PTPRD: variants seen among roughly 807,000 people sequenced by gnomAD.
PTPRD encodes receptor-type tyrosine-protein phosphatase delta.
Under a neutral mutation model 214.5 loss-of-function variants are expected in PTPRD, and 34 were observed. The ratio of observed to expected loss-of-function variants is 0.16; its 90% CI spans 0.12 to 0.21. The LOEUF is 0.21. Among genes scored for constraint, PTPRD ranks in the 10% least tolerant of loss-of-function variants. The probability of loss-of-function intolerance (pLI) is 1.00; values close to 1 mark genes in which losing one functional copy is unlikely to be tolerated. For missense variants in PTPRD, 2,545 were observed against 2,398.7 expected (o/e 1.06, Z -1.27); for synonymous variants, 1,128 against 845.7 (o/e 1.33, Z -5.79).
chr9:10,392,553 T>TA (rs1017040283), intron 2 of PTPRD, among the ~76,000 whole-genome samples: 4 of 151,782 alleles, frequency 2.6e-5, no homozygotes, highest in Admixed American at 6.6e-5. Context: ...GCAGTGAATG[T>TA]AAAAAGGAAT....
intron 37 of PTPRD, 117 bp downstream of exon 37, chr9:8,389,115 T>A: frequency 1.3e-6 from 1 of 793,902 alleles, no homozygotes. Context: ...TCATAATTAG[T>A]ATCTGTTAGA....
Position 9,590,048 on chromosome 9 carries a change from AAAAG to A in PTPRD, c.-286-15271_-286-15268del, listed in dbSNP as rs1275583054. Among the ~76,000 whole-genome samples the A allele has an allele frequency of 9.9e-5, 15 of 152,172 alleles. No individual in the cohort carries two copies. In the East Asian group the frequency reaches 2.9e-3, roughly 30 times the overall value. ...TATAAGAATGTAACTTCTTTTACTT[AAAAG>A]AAAGAGTACAAACATTTATAATAAA... On this transcript the variant is annotated intron_variant, in intron 7 of 45. Coordinates refer to ENST00000381196, the MANE Select transcript of PTPRD (RefSeq NM_002839.4).
intron 3 of PTPRD, among the ~76,000 whole-genome samples, chr9:10,097,747 T>C (rs1459625933): frequency 7.2e-5 from 11 of 151,806 alleles, no homozygotes; most frequent in African/African-American, 7.3e-5. Flanking sequence ...TCCTGCCTGA[T>C]TGCCCTGGCC....
At chr9:8,817,264 C>T (rs550050793) in intron 11 of PTPRD, among the ~76,000 whole-genome samples, 1 of 152,300 alleles carries the variant, frequency 6.6e-6, no homozygotes, top group Non-Finnish European at 1.5e-5. Flanking sequence ...TGACACTCAG[C>T]TCCAGAGCCA....
chr9:8,519,605 G>A (rs2097851491), intron 20 of PTPRD, among the ~76,000 whole-genome samples: 1 of 152,230 alleles, frequency 6.6e-6, no homozygotes, highest in East Asian at 1.9e-4. Context: ...CTGACTTACT[G>A]TAAAATTGTG....
intron 11 of PTPRD, among the ~76,000 whole-genome samples, chr9:8,801,065 A>AAAAATAAT (rs1275710668): frequency 6.6e-6 from 1 of 152,184 alleles, no homozygotes; most frequent in African/African-American, 2.4e-5. Context: ...AAGATGTGCA[A>AAAAATAAT]AAAATAATAT....
chr9:9,664,088 TAAAAAA>T (rs71319290), intron 7 of PTPRD, among the ~76,000 whole-genome samples: 1 of 114,536 alleles, frequency 8.7e-6, no homozygotes, highest in Non-Finnish European at 1.8e-5. Flanking sequence ...CACTCCTGTG[TAAAAAA>T]AAAAAAAAAA....
chr9:8,340,242 T>C (rs2132331309), intron 42 of PTPRD, 101 bp downstream of exon 42: 1 of 1,382,008 alleles, frequency 7.2e-7, no homozygotes, highest in Non-Finnish European at 9.6e-7. Context: ...TGCACTGCAT[T>C]TCAAAAAAAA....
chr9:9,294,918 G>C (rs1020684224), intron 9 of PTPRD, among the ~76,000 whole-genome samples: 3 of 151,660 alleles, frequency 2.0e-5, no homozygotes, highest in Non-Finnish European at 4.4e-5. Context: ...TTTTTATTCA[G>C]ATTTGCCAAA....
chr9:8,688,521 C>T (rs2097735142), intron 12 of PTPRD, among the ~76,000 whole-genome samples: 2 of 148,398 alleles, frequency 1.3e-5, no homozygotes, highest in African/African-American at 5.0e-5. Flanking sequence ...GCCGAGATCG[C>T]ACCACTGCGC....
At position 8,989,197 on chromosome 9, in the gene PTPRD, T is replaced by G. The variant is rs186591149; in HGVS notation, c.-104+29500A>C. On this transcript the variant is annotated intron_variant, in intron 11 of 45. Coordinates refer to ENST00000381196, the MANE Select transcript of PTPRD (RefSeq NM_002839.4). ...TAGGGATATTCATCACCTCAAACAT[T>G]TATCTTTTCTTTATGTTGGAATCAT... Among the ~76,000 whole-genome samples the G allele has an allele frequency of 2.6e-5, 4 of 152,134 alleles. No individual in the cohort carries two copies. The East Asian group carries it at 7.8e-4, about 29-fold the overall frequency.
intron 14 of PTPRD, among the ~76,000 whole-genome samples, chr9:8,614,174 T>G (rs1008383637): frequency 6.6e-6 from 1 of 152,168 alleles, no homozygotes; most frequent in Non-Finnish European, 1.5e-5. Context: ...TACACTGAGC[T>G]TTTTGACCCT....
At chr9:8,423,565 A>C (rs900944049) in intron 35 of PTPRD, among the ~76,000 whole-genome samples, 2 of 152,162 alleles carry the variant, frequency 1.3e-5, no homozygotes, top group Non-Finnish European at 2.9e-5. Flanking sequence ...TATAAATCAT[A>C]ATTTATTGTG....
chr9:8,422,363 C>T (rs573653469), intron 35 of PTPRD, among the ~76,000 whole-genome samples: 6 of 152,074 alleles, frequency 3.9e-5, no homozygotes, highest in Admixed American at 2.6e-4. Context: ...ACATCCTTAA[C>T]GTTTCAAGTT....
chr9:10,300,180 G>A (rs766509443), intron 3 of PTPRD, among the ~76,000 whole-genome samples: 11 of 152,128 alleles, frequency 7.2e-5, no homozygotes, highest in South Asian at 2.1e-4. Flanking sequence ...TAAAATTCAC[G>A]TAGTATAGTT....
intron 9 of PTPRD, among the ~76,000 whole-genome samples, chr9:9,357,618 GA>G (rs916855569): frequency 2.0e-5 from 3 of 151,020 alleles, no homozygotes; most frequent in African/African-American, 4.9e-5. Flanking sequence ...GTGAATGAGG[GA>G]AAGAAGCAAA....
At chr9:10,574,099 C>A (rs2068354611) in intron 2 of PTPRD, among the ~76,000 whole-genome samples, 1 of 151,978 alleles carries the variant, frequency 6.6e-6, no homozygotes, top group Admixed American at 6.6e-5. Flanking sequence ...GATATTGAAA[C>A]AAATGAGGGA....
intron 14 of PTPRD, among the ~76,000 whole-genome samples, chr9:8,631,458 G>C (rs1284328982): frequency 6.6e-6 from 1 of 151,666 alleles, no homozygotes; most frequent in Non-Finnish European, 1.5e-5. Flanking sequence ...AGCCCATCTG[G>C]GTATGAACAA....
At chr9:9,305,472 T>A (rs1429007344) in intron 9 of PTPRD, among the ~76,000 whole-genome samples, 1 of 152,080 alleles carries the variant, frequency 6.6e-6, no homozygotes, top group Non-Finnish European at 1.5e-5. Context: ...TTCAGTTTAG[T>A]GTGGAAGAAA....
Sources: gnomAD v4.1 joint callset for allele counts (sites outside exome capture counted in the v4.1 genomes callset) on GRCh38, gnomAD v4.1.1 for gene constraint, MANE v1.5 for transcripts, NCBI Gene and HGNC (gene_info 2026-07-23, HGNC 2026-07-21) for gene names.